The following NRG3 variants were observed in gnomAD, a reference collection of about 807,000 sequenced individuals.
NRG3 encodes neuregulin 3.
NRG3 carries 31 observed loss-of-function variants against 66.9 expected under a neutral mutation model. The ratio of observed to expected loss-of-function variants is 0.46; its 90% CI spans 0.35 to 0.63. NRG3 has a LOEUF of 0.63. Ranked by LOEUF, NRG3 falls within the 20% of genes least tolerant of loss-of-function variation. NRG3 has a pLI of 0.00. For synonymous variants in NRG3, 393 were observed against 359.4 expected (o/e 1.09, Z -1.06); for missense variants, 910 against 878.9 (o/e 1.04, Z -0.45).
At chr10:81,999,315 A>G (rs904789169) in intron 1 of NRG3, among the ~76,000 whole-genome samples, 5 of 152,222 alleles carry the variant, frequency 3.3e-5, no homozygotes, top group Non-Finnish European at 1.5e-5. Flanking sequence ...AAATTTAAGA[A>G]GAACGATTTC....
chr10:82,044,103 A>G lies in NRG3; in HGVS notation c.823+167940A>G, dbSNP rs147369899. Among the ~76,000 whole-genome samples the G allele has an allele frequency of 2.1e-4, 32 of 152,206 alleles. No individual in the cohort carries two copies. In the East Asian group the frequency reaches 6.0e-3, roughly 29 times the overall value. ...GTGAAAATTGTCAGGGACGCTTCCT[A>G]CCACCACACAGTTAACAATTACAAA... On this transcript the variant is annotated intron_variant, in intron 1 of 8. Transcript: ENST00000372141.
intron 3 of NRG3, among the ~76,000 whole-genome samples, chr10:82,744,118 C>G (rs2058544600): frequency 6.6e-6 from 1 of 152,130 alleles, no homozygotes; most frequent in South Asian, 2.1e-4. Context: ...GCAAGCCATT[C>G]AGAAGGGGAG....
intron 3 of NRG3, among the ~76,000 whole-genome samples, chr10:82,813,211 C>CTTTTTT (rs58875697): frequency 1.3e-4 from 15 of 112,150 alleles, no homozygotes; most frequent in East Asian, 2.7e-4. Context: ...CTCTGTTTCT[C>CTTTTTT]TTTTTTTTTT....
At chr10:82,039,840 G>T (rs1320846905) in intron 1 of NRG3, among the ~76,000 whole-genome samples, 1 of 152,106 alleles carries the variant, frequency 6.6e-6, no homozygotes, top group Non-Finnish European at 1.5e-5. Flanking sequence ...ACGCATCACT[G>T]CCCAGGTCAC....
chr10:82,662,181 A>G (rs984855897), intron 2 of NRG3, among the ~76,000 whole-genome samples: 1 of 152,012 alleles, frequency 6.6e-6, no homozygotes, highest in African/African-American at 2.4e-5. Context: ...TTTCTTTCAT[A>G]TCTTTTGTTG....
intron 1 of NRG3, among the ~76,000 whole-genome samples, chr10:81,903,079 GT>G (rs1435313115): frequency 2.6e-5 from 4 of 152,070 alleles, no homozygotes; most frequent in Non-Finnish European, 5.9e-5. Flanking sequence ...TGATGGTTAG[GT>G]TTTGTAACCA....
chr10:82,913,236 A>T (rs1591933166), intron 4 of NRG3, among the ~76,000 whole-genome samples: 3 of 152,276 alleles, frequency 2.0e-5, no homozygotes, highest in Admixed American at 2.0e-4. Context: ...TTAAAAAAAG[A>T]AAAAAAGTAC....
At chr10:82,697,160 A>G (rs1344910848) in intron 2 of NRG3, among the ~76,000 whole-genome samples, 3 of 152,230 alleles carry the variant, frequency 2.0e-5, no homozygotes, top group Non-Finnish European at 4.4e-5. Flanking sequence ...GGAAGATCCA[A>G]TAATCAAACA....
chr10:82,377,206 C>A (rs965951238), intron 2 of NRG3, among the ~76,000 whole-genome samples: 1 of 152,128 alleles, frequency 6.6e-6, no homozygotes, highest in African/African-American at 2.4e-5. Context: ...ATTAAGCGAT[C>A]GAATAACTTG....
Position 81,877,921 on chromosome 10 carries a change from C to T in NRG3, c.823+1758C>T, listed in dbSNP as rs773247124. The T allele has an allele frequency of 6.5e-6, 10 of 1,537,098 alleles. No individual in the cohort carries two copies. The South Asian group carries it at 1.1e-4, about 16-fold the overall frequency. The stretch of plus-strand genomic sequence containing the variant: ...GAAAATGAGTCTACCCTGAAGACCC[C>T]AGATTTTTGATCTGCTCTTTTGATG... On this transcript the variant is annotated intron_variant, in intron 1 of 8. Transcript: ENST00000372141.
At chr10:82,480,137 G>T (rs1385525828) in intron 2 of NRG3, among the ~76,000 whole-genome samples, 2 of 152,194 alleles carry the variant, frequency 1.3e-5, no homozygotes, top group Non-Finnish European at 2.9e-5. Flanking sequence ...TCATAAGAAA[G>T]GTCAAAAATT....
chr10:82,179,326 A>G (rs574135886), intron 1 of NRG3, among the ~76,000 whole-genome samples: 32 of 152,086 alleles, frequency 2.1e-4, no homozygotes, highest in Non-Finnish European at 3.8e-4. Context: ...ATTTCCAAGA[A>G]TAATGTCATG....
At chr10:82,153,225 C>G (rs931336416) in intron 1 of NRG3, among the ~76,000 whole-genome samples, 14 of 152,082 alleles carry the variant, frequency 9.2e-5, no homozygotes, top group African/African-American at 2.7e-4. Flanking sequence ...CTATCAACCT[C>G]TGATAAACAC....
chr10:82,866,728 C>A (rs772839182), intron 4 of NRG3, among the ~76,000 whole-genome samples: 3 of 152,070 alleles, frequency 2.0e-5, no homozygotes, highest in Non-Finnish European at 4.4e-5. Context: ...ATCATGAGAG[C>A]GCTTGAACAA....
At chr10:82,363,156 C>T (rs2084295897) in intron 2 of NRG3, among the ~76,000 whole-genome samples, 1 of 151,918 alleles carries the variant, frequency 6.6e-6, no homozygotes, top group South Asian at 2.1e-4. Flanking sequence ...CAAAGGGTAA[C>T]ATTAAAATAA....
At chr10:82,290,959 A>G (rs1278694675) in intron 1 of NRG3, among the ~76,000 whole-genome samples, 1 of 152,074 alleles carries the variant, frequency 6.6e-6, no homozygotes, top group African/African-American at 2.4e-5. Context: ...AAATAATTTT[A>G]AAGATTATAC....
intron 1 of NRG3, among the ~76,000 whole-genome samples, chr10:82,222,668 G>A (rs995059538): frequency 6.6e-6 from 1 of 151,660 alleles, no homozygotes; most frequent in Non-Finnish European, 1.5e-5. Context: ...AGAATAACAA[G>A]TCATCCCTGC....
chr10:82,648,145 G>A (rs1302213751), intron 2 of NRG3, among the ~76,000 whole-genome samples: 5 of 151,978 alleles, frequency 3.3e-5, no homozygotes, highest in Admixed American at 1.3e-4. Context: ...TAGGTCTAAC[G>A]TTTAAGTCTT....
intron 1 of NRG3, among the ~76,000 whole-genome samples, chr10:81,999,061 C>T (rs569991574): frequency 6.6e-6 from 1 of 152,188 alleles, no homozygotes; most frequent in Non-Finnish European, 1.5e-5. Flanking sequence ...CCTCAGCCTC[C>T]CAAAATGTTG....
Sources: gnomAD v4.1 joint callset for allele counts (sites outside exome capture counted in the v4.1 genomes callset) on GRCh38, gnomAD v4.1.1 for gene constraint, MANE v1.5 for transcripts, NCBI Gene and HGNC (gene_info 2026-07-23, HGNC 2026-07-21) for gene names.